Variants in H2AZ2 observed in about 807,000 individuals in gnomAD.
H2AZ2 encodes H2A.Z variant histone 2.
A neutral mutation model predicts 15.5 loss-of-function variants in H2AZ2; 5 were observed. That is an observed-to-expected ratio of 0.32 (90% confidence interval 0.17 to 0.68). The LOEUF is 0.68. Ranked by LOEUF, H2AZ2 falls within the 30% of genes least tolerant of loss-of-function variation. The pLI is 0.72. For synonymous variants in H2AZ2, 44 were observed against 57.4 expected (o/e 0.77, Z 1.05); for missense variants, 42 against 162.5 (o/e 0.26, Z 4.03).
intron 4 of H2AZ2, among the ~76,000 whole-genome samples, 157 bp from the exon 5 acceptor site, chr7:44,834,719 A>ACCCCGAC (rs1480073598): frequency 1.3e-5 from 2 of 151,484 alleles, no homozygotes; most frequent in African/African-American, 2.4e-5. Flanking sequence ...GGGTCTGTGA[A>ACCCCGAC]CCCTTTAAAA....
chr7:44,836,568 A>T (rs1225285924), intron 3 of H2AZ2, among the ~76,000 whole-genome samples: 1 of 151,978 alleles, frequency 6.6e-6, no homozygotes, highest in Non-Finnish European at 1.5e-5. Context: ...CCCAGGCTGC[A>T]GTGCAACGGT....
chr7:44,843,981 C>T (rs1465123156), intron 1 of H2AZ2, among the ~76,000 whole-genome samples: 1 of 151,160 alleles, frequency 6.6e-6, no homozygotes, highest in Non-Finnish European at 1.5e-5. Flanking sequence ...GTCAATGTAA[C>T]ATATATTACT....
intron 3 of H2AZ2, among the ~76,000 whole-genome samples, chr7:44,837,649 T>A (rs570298226): frequency 6.6e-6 from 1 of 151,454 alleles, no homozygotes; most frequent in African/African-American, 2.4e-5. Context: ...CACTATCACA[T>A]CTGGTCAATT....
In H2AZ2 at chr7:44,848,087, T is replaced by C; in HGVS notation, c.-116A>G. 1 of 524,986 alleles carries C rather than the reference T, an allele frequency of 1.9e-6. No homozygotes were observed. Among genetic ancestry groups the C allele is most frequent in the Non-Finnish European group, 2.8e-6 (1 of 351,882 alleles). The allele number at this position is 524,986 out of a possible 1,614,324, so 32.5% of individuals were successfully genotyped here. On this transcript the variant is annotated 5_prime_UTR_variant, in exon 1 of 5. Transcript: ENST00000308153. ...GCCGCCGGAGCCGGACAATACCCCG[T>C]GCCCGCCTCGCGCTGCTGTGGCCAA...
chr7:44,827,808 T>C (rs991364373), downstream of H2AZ2: 5 of 152,166 alleles, frequency 3.3e-5, no homozygotes, highest in African/African-American at 9.7e-5. Context: ...GGGCCTGTTT[T>C]GTACAGATGT....
At chr7:44,844,119 C>T (rs946270304) in intron 1 of H2AZ2, among the ~76,000 whole-genome samples, 2 of 151,090 alleles carry the variant, frequency 1.3e-5, no homozygotes, top group Admixed American at 1.3e-4. Flanking sequence ...AGGTATACAC[C>T]TAAAAATTGA....
rs1413705091 is a variant in H2AZ2 at position 44,848,008 on chromosome 7, G to T, written c.-37C>A. 2 of 1,306,034 alleles carry T rather than the reference G, an allele frequency of 1.5e-6. No individual in the cohort carries two copies. Among genetic ancestry groups the T allele is most frequent in the Non-Finnish European group, 1.9e-6 (2 of 1,027,454 alleles). The allele number at this position is 1,306,034 out of a possible 1,614,324, so 80.9% of individuals were successfully genotyped here. On this transcript the variant is annotated 5_prime_UTR_variant, in exon 1 of 5. Transcript: ENST00000308153. ...CGACTCCGCCTCCGCTCGGCCGCGC[G>T]CCCTCCCGCTGCCGACCCGCGCCGC...
intron 2 of H2AZ2, among the ~76,000 whole-genome samples, chr7:44,842,193 T>C (rs1793291119): frequency 6.6e-6 from 1 of 152,220 alleles, no homozygotes; most frequent in Non-Finnish European, 1.5e-5. Flanking sequence ...CATTTCATCT[T>C]AGACTTCAGA....
chr7:44,848,055 G>T lies in H2AZ2; in HGVS notation c.-84C>A, dbSNP rs969090533. The T allele has an allele frequency of 4.7e-6, 4 of 858,746 alleles. No individual in the cohort carries two copies. In the South Asian group the frequency reaches 1.4e-4, roughly 30 times the overall value. 53.2% of individuals were successfully genotyped at this position (858,746 alleles called of 1,614,324 possible). ...CCGCCGCCGCCGCTCTCGCAGCACC[G>T]ACCGCCGCCGCCGGAGCCGGACAAT... On this transcript the variant is annotated 5_prime_UTR_variant, in exon 1 of 5. Transcript: ENST00000308153.
chr7:44,835,694 G>A, intron 3 of H2AZ2, 36 bp from the exon 4 acceptor site: 1 of 1,526,312 alleles, frequency 6.6e-7, no homozygotes, highest in Non-Finnish European at 8.9e-7. Context: ...TCAAATGAAG[G>A]ACCTAGGATC....
At chr7:44,847,444 A>G (rs1216394223) in intron 1 of H2AZ2, among the ~76,000 whole-genome samples, 1 of 152,210 alleles carries the variant, frequency 6.6e-6, no homozygotes, top group Non-Finnish European at 1.5e-5. Context: ...GCAATCACCT[A>G]GAACAAATCG....
chr7:44,845,402 T>C (rs7787458), intron 1 of H2AZ2, among the ~76,000 whole-genome samples: 6,107 of 152,186 alleles, frequency 0.04, 420 homozygotes, highest in African/African-American at 0.14. Flanking sequence ...ATAAGAAAAA[T>C]ACAATTTTTG....
At chr7:44,845,713 A>G (rs565721347) in intron 1 of H2AZ2, among the ~76,000 whole-genome samples, 128 of 152,296 alleles carry the variant, frequency 8.4e-4, no homozygotes, top group Middle Eastern at 6.8e-3. Flanking sequence ...TTTTTAAGGA[A>G]GTAGACATAC....
At chr7:44,842,677 T>C (rs554798324) in intron 2 of H2AZ2, among the ~76,000 whole-genome samples, 250 of 152,270 alleles carry the variant, frequency 1.6e-3, no homozygotes, top group Non-Finnish European at 2.9e-3. Context: ...TTAAAATAAA[T>C]TCTAATTGGG....
In H2AZ2 at chr7:44,847,977, C is replaced by T. The variant is rs1352431315; in HGVS notation, c.-6G>A. 2.7e-6 allele frequency: 4 copies of T among 1,455,418 alleles called. No individual in the cohort carries two copies. Among genetic ancestry groups the T allele is most frequent in the African/African-American group, 1.5e-5 (1 of 68,140 alleles). The allele number at this position is 1,455,418 out of a possible 1,614,324, so 90.2% of individuals were successfully genotyped here. A position where few individuals can be genotyped will look rare whatever the true frequency, so the allele number is the denominator to read the frequency against. On this transcript the variant is annotated 5_prime_UTR_variant, in exon 1 of 5. Coordinates refer to ENST00000308153, the MANE Select transcript of H2AZ2 (RefSeq NM_012412.5). ...CACCCGGCCGCCCTTACCATGTTCT[C>T]GGCGCCGACTCCGCCTCCGCTCGGC...
At chr7:44,843,805 G>A (rs539209173) in intron 1 of H2AZ2, among the ~76,000 whole-genome samples, 8 of 152,212 alleles carry the variant, frequency 5.3e-5, no homozygotes, top group South Asian at 4.1e-4. Flanking sequence ...TGATCCGCCC[G>A]CCTAGGCCTC....
rs1370510204 is a variant in H2AZ2, at chr7:44,848,026, C to T, written c.-55G>A. 5 of 1,174,160 alleles carry T rather than the reference C, an allele frequency of 4.3e-6. No homozygotes were observed. Among genetic ancestry groups the T allele is most frequent in the East Asian group, 6.7e-5 (2 of 29,924 alleles). The allele number at this position is 1,174,160 out of a possible 1,614,324, so 72.7% of individuals were successfully genotyped here. ...GCCGCGCGCCCTCCCGCTGCCGACCCGCGCCGCCGCCGCCGCTCTCGCAGC... is the reference window on the plus strand; with the variant it reads ...GCCGCGCGCCCTCCCGCTGCCGACCTGCGCCGCCGCCGCCGCTCTCGCAGC... On this transcript the variant is annotated 5_prime_UTR_variant, in exon 1 of 5. Coordinates refer to ENST00000308153, the MANE Select transcript of H2AZ2 (RefSeq NM_012412.5).
chr7:44,834,020 G>T lies in H2AZ2; in HGVS notation c.*481C>A. The T allele has an allele frequency of 3.3e-6, 1 of 302,608 alleles. No homozygotes were observed. Among genetic ancestry groups the T allele is most frequent in the Non-Finnish European group, 4.9e-6 (1 of 206,000 alleles). The allele number at this position is 302,608 out of a possible 1,614,324, so 18.7% of individuals were successfully genotyped here. On this transcript the variant is annotated 3_prime_UTR_variant, in exon 5 of 5. Coordinates refer to ENST00000308153, the MANE Select transcript of H2AZ2 (RefSeq NM_012412.5). Reference sequence around the variant, plus strand: ...TTGATGGCATATCATGATTTAATTGGCAGGTTTTTTCCTTAGTCGTTTGTA... The same window carrying T: ...TTGATGGCATATCATGATTTAATTGTCAGGTTTTTTCCTTAGTCGTTTGTA...
At chr7:44,827,865 T>C (rs893440726), downstream of H2AZ2, 12 of 151,138 alleles carry the variant, frequency 7.9e-5, no homozygotes, top group African/African-American at 2.5e-4. Flanking sequence ...AAAATACATA[T>C]CTTTGGCAGG....
Sources: gnomAD v4.1 joint callset for allele counts (sites outside exome capture counted in the v4.1 genomes callset) on GRCh38, gnomAD v4.1.1 for gene constraint, MANE v1.5 for transcripts, NCBI Gene and HGNC (gene_info 2026-07-23, HGNC 2026-07-21) for gene names.